The following STK32C variants were observed in gnomAD, a reference collection of about 807,000 sequenced individuals.
STK32C encodes the protein serine/threonine kinase 32C, also known as serine/threonine-protein kinase 32C.
Under a neutral mutation model 56.5 loss-of-function variants are expected in STK32C, and 31 were observed. The ratio of observed to expected loss-of-function variants is 0.55; its 90% CI spans 0.41 to 0.74. The LOEUF is 0.74. Ranked by LOEUF, STK32C falls within the 30% of genes least tolerant of loss-of-function variation. STK32C has a pLI of 0.00. For missense variants in STK32C, 544 were observed against 676.9 expected (o/e 0.80, Z 2.18); for synonymous variants, 309 against 289.4 (o/e 1.07, Z -0.69).
chr10:132,312,495 C>T (rs542092777), upstream of STK32C, among the ~76,000 whole-genome samples: 80 of 152,212 alleles, frequency 5.3e-4, no homozygotes, highest in African/African-American at 1.9e-3. Flanking sequence ...AAATATGCTT[C>T]CAAGGTACAG....
intron 1 of STK32C, among the ~76,000 whole-genome samples, chr10:132,306,332 T>C (rs1451610835): frequency 6.6e-6 from 1 of 152,260 alleles, no homozygotes; most frequent in Non-Finnish European, 1.5e-5. Flanking sequence ...CTTTCTTTAC[T>C]TTGAATATTT....
intron 2 of STK32C, 128 bp from the exon 3 acceptor site, chr10:132,228,256 G>C: frequency 8.4e-7 from 1 of 1,196,276 alleles, no homozygotes; most frequent in Non-Finnish European, 1.2e-6. Flanking sequence ...GGGACGCGCC[G>C]CAGCCCCTCT....
intron 1 of STK32C, among the ~76,000 whole-genome samples, chr10:132,314,948 A>G (rs1039867575): frequency 1.3e-5 from 2 of 152,182 alleles, no homozygotes; most frequent in African/African-American, 4.8e-5. Flanking sequence ...CAGCCTGACC[A>G]ACACGGAGAA....
At chr10:132,270,624 C>T (rs1043126185) in intron 1 of STK32C, among the ~76,000 whole-genome samples, 5 of 152,226 alleles carry the variant, frequency 3.3e-5, no homozygotes, top group Non-Finnish European at 5.9e-5. Context: ...CCCGGCCTGC[C>T]GGATATGAAC....
At chr10:132,232,744 GCCCT>G (rs1367393297) in intron 2 of STK32C, among the ~76,000 whole-genome samples, 4 of 150,584 alleles carry the variant, frequency 2.7e-5, no homozygotes, top group South Asian at 2.1e-4. Flanking sequence ...GCCACCCGGA[GCCCT>G]GGGCTTTTCC....
intron 10 of STK32C, among the ~76,000 whole-genome samples, chr10:132,222,082 T>C (rs1412932844): frequency 8.3e-6 from 1 of 120,942 alleles, no homozygotes; most frequent in Non-Finnish European, 1.7e-5. Context: ...CCTGGGCGAG[T>C]GTGAGGGCTT....
intron 1 of STK32C, among the ~76,000 whole-genome samples, chr10:132,293,694 A>G (rs1444979903): frequency 6.6e-6 from 1 of 152,042 alleles, no homozygotes. Flanking sequence ...GGGGGTGGGG[A>G]GATCACACAG....
intron 1 of STK32C, among the ~76,000 whole-genome samples, chr10:132,294,225 G>A (rs1289633130): frequency 1.3e-5 from 2 of 152,146 alleles, no homozygotes; most frequent in African/African-American, 4.8e-5. Flanking sequence ...CAGAGTCAGA[G>A]ACGAGGAGGA....
At chr10:132,297,654 A>T (rs2065793883) in intron 1 of STK32C, among the ~76,000 whole-genome samples, 1 of 152,236 alleles carries the variant, frequency 6.6e-6, no homozygotes, top group South Asian at 2.1e-4. Flanking sequence ...GATGTTTACA[A>T]GAAAAAGGAA....
intron 10 of STK32C, among the ~76,000 whole-genome samples, chr10:132,218,724 T>C (rs368280297): frequency 1.2e-4 from 19 of 152,250 alleles, no homozygotes; most frequent in African/African-American, 4.6e-4. Flanking sequence ...TAAAAGTACA[T>C]ATCCACACAA....
chr10:132,305,850 A>C (rs977425113), intron 1 of STK32C, among the ~76,000 whole-genome samples: 32 of 152,280 alleles, frequency 2.1e-4, no homozygotes, highest in African/African-American at 7.7e-4. Context: ...ATTTCACCAC[A>C]CAAAGCCCAG....
At chr10:132,246,445 A>G (rs4880357) in intron 1 of STK32C, among the ~76,000 whole-genome samples, 122,636 of 152,142 alleles carry the variant, frequency 0.81, 49,753 homozygotes, top group African/African-American at 0.88. Flanking sequence ...GCTGGCACTC[A>G]CTGGGCAAGC....
At chr10:132,270,382 G>A (rs905683115) in intron 1 of STK32C, among the ~76,000 whole-genome samples, 5 of 152,258 alleles carry the variant, frequency 3.3e-5, no homozygotes, top group African/African-American at 9.6e-5. Flanking sequence ...ACGGGCCCAC[G>A]CCGCTGGCCT....
Position 132,207,841 on chromosome 10 carries a change from T to A in STK32C, c.*169A>T, listed in dbSNP as rs2062146928. The stretch of plus-strand genomic sequence containing the variant: ...GGTGTCCCCTGCACCCACAGCCTCT[T>A]GTCCCCTGCACCACCACGAGCCTGA... On this transcript the variant is annotated 3_prime_UTR_variant, in exon 12 of 12. Transcript: ENST00000298630. 3 of 814,294 alleles carry A rather than the reference T, an allele frequency of 3.7e-6. No homozygotes were observed. The highest frequency in any genetic ancestry group is 4.3e-5 in the Admixed American group (1 of 23,082). The allele number at this position is 814,294 out of a possible 1,614,324, so 50.4% of individuals were successfully genotyped here.
At chr10:132,267,754 C>T (rs11146293) in intron 1 of STK32C, among the ~76,000 whole-genome samples, 17,772 of 61,236 alleles carry the variant, frequency 0.29, 2,715 homozygotes, top group African/African-American at 0.38. Context: ...TGTGTCGGTG[C>T]GTGTGCATGC....
exon 2 of STK32C, chr10:132,324,135 G>C (rs2066455558): frequency 2.3e-5 from 16 of 681,814 alleles, no homozygotes; most frequent in South Asian, 2.3e-4. Flanking sequence ...ACAGCAGCTG[G>C]GAAAATGGAG....
intron 1 of STK32C, among the ~76,000 whole-genome samples, chr10:132,262,761 A>C (rs1462126650): frequency 6.6e-6 from 1 of 151,798 alleles, no homozygotes; most frequent in Non-Finnish European, 1.5e-5. Flanking sequence ...CTCAAAAAAA[A>C]AAAAAAAAAA....
At chr10:132,300,198 A>G (rs2065871582) in intron 1 of STK32C, among the ~76,000 whole-genome samples, 1 of 152,228 alleles carries the variant, frequency 6.6e-6, no homozygotes, top group African/African-American at 2.4e-5. Flanking sequence ...TGCAAAGTCA[A>G]CTTTCTAAAT....
rs556324703 is a variant in STK32C, at chr10:132,241,413, T to G, written c.318+4487A>C. Among the ~76,000 whole-genome samples, 5 of 152,230 alleles carry G rather than the reference T, an allele frequency of 3.3e-5. No homozygotes were observed. The East Asian group carries it at 9.7e-4, about 29-fold the overall frequency. ...CAGCAAAAAGTTCCACGTAACAACA[T>G]GACATAGAATAACCATAGGAACGAC... On this transcript the variant is annotated intron_variant, in intron 2 of 11. Coordinates refer to ENST00000298630, the MANE Select transcript of STK32C (RefSeq NM_173575.4).
Sources: gnomAD v4.1 joint callset for allele counts (sites outside exome capture counted in the v4.1 genomes callset) on GRCh38, gnomAD v4.1.1 for gene constraint, MANE v1.5 for transcripts, NCBI Gene and HGNC (gene_info 2026-07-23, HGNC 2026-07-21) for gene names.